Variants in CNTNAP2 observed in about 807,000 individuals in gnomAD.
CNTNAP2 encodes contactin associated protein 2.
A neutral mutation model predicts 155.2 loss-of-function variants in CNTNAP2; 98 were observed. That is an observed-to-expected ratio of 0.63 (90% CI 0.54 to 0.75). The LOEUF is 0.75. Among genes scored for constraint, CNTNAP2 ranks in the 30% least tolerant of loss-of-function variants. CNTNAP2 has a pLI of 0.00. For synonymous variants in CNTNAP2, 651 were observed against 631.2 expected (o/e 1.03, Z -0.47); for missense variants, 1,727 against 1,688.1 (o/e 1.02, Z -0.40).
intron 8 of CNTNAP2, among the ~76,000 whole-genome samples, chr7:147,198,596 T>C (rs755784958): frequency 2.6e-5 from 4 of 152,192 alleles, no homozygotes; most frequent in Non-Finnish European, 4.4e-5. Flanking sequence ...CAAATTGCAA[T>C]TTGCGGATTT....
At chr7:146,903,133 A>G (rs1219403378) in intron 3 of CNTNAP2, among the ~76,000 whole-genome samples, 1 of 152,178 alleles carries the variant, frequency 6.6e-6, no homozygotes, top group Non-Finnish European at 1.5e-5. Flanking sequence ...TAAACAGGGT[A>G]TTGTTCAGTT....
At chr7:146,935,342 T>C (rs1245165628) in intron 3 of CNTNAP2, among the ~76,000 whole-genome samples, 3 of 152,218 alleles carry the variant, frequency 2.0e-5, no homozygotes, top group Non-Finnish European at 2.9e-5. Flanking sequence ...GCCAGACTTA[T>C]ATGTAGATAA....
chr7:147,981,786 G>GGTATGTGTGTGT (rs1483366188), intron 15 of CNTNAP2, among the ~76,000 whole-genome samples: 9 of 143,732 alleles, frequency 6.3e-5, no homozygotes, highest in African/African-American at 2.3e-4. Context: ...TGTCCTTACA[G>GGTATGTGTGTGT]GTGTGTGTGT....
chr7:147,629,417 A>ATAG (rs1795044885), intron 12 of CNTNAP2, among the ~76,000 whole-genome samples: 1 of 142,256 alleles, frequency 7.0e-6, no homozygotes, highest in African/African-American at 2.5e-5. Context: ...AATAATAATA[A>ATAG]TAATAATAAT....
At chr7:148,340,496 A>G (rs1427500870) in intron 21 of CNTNAP2, among the ~76,000 whole-genome samples, 1 of 152,108 alleles carries the variant, frequency 6.6e-6, no homozygotes, top group East Asian at 1.9e-4. Context: ...TGGCTTTAAT[A>G]TTTCACCCTC....
chr7:147,207,369 A>G (rs2116563760), intron 8 of CNTNAP2, among the ~76,000 whole-genome samples: 1 of 152,282 alleles, frequency 6.6e-6, no homozygotes, highest in Non-Finnish European at 1.5e-5. Context: ...TAAATATCCT[A>G]TTCTGCAATA....
intron 1 of CNTNAP2, among the ~76,000 whole-genome samples, chr7:146,763,880 C>T (rs893422775): frequency 2.6e-5 from 4 of 152,140 alleles, no homozygotes; most frequent in Admixed American, 6.5e-5. Flanking sequence ...GGCTCTATAG[C>T]GCTCCATTTT....
intron 21 of CNTNAP2, among the ~76,000 whole-genome samples, chr7:148,326,736 G>A (rs1002300540): frequency 1.1e-4 from 16 of 152,060 alleles, no homozygotes; most frequent in Non-Finnish European, 8.8e-5. Flanking sequence ...ATGGTGGTGG[G>A]CACCTGTAGT....
At chr7:148,147,769 A>C in intron 17 of CNTNAP2, 60 bp downstream of exon 17, 2 of 1,417,738 alleles carry the variant, frequency 1.4e-6, no homozygotes, top group South Asian at 2.5e-5. Flanking sequence ...CCTGCACAAT[A>C]CAAAAAAAAA....
At chr7:146,223,696 C>T (rs560597171) in intron 1 of CNTNAP2, among the ~76,000 whole-genome samples, 8 of 152,262 alleles carry the variant, frequency 5.3e-5, no homozygotes, top group East Asian at 3.9e-4. Flanking sequence ...TCAAGCTTCC[C>T]GCTTTTCACT....
intron 8 of CNTNAP2, among the ~76,000 whole-genome samples, chr7:147,165,598 A>T (rs9792012): frequency 6.6e-6 from 1 of 151,882 alleles, no homozygotes. Flanking sequence ...ATGTTATCTT[A>T]TAGAATTTTT....
intron 1 of CNTNAP2, among the ~76,000 whole-genome samples, chr7:146,203,958 G>A (rs1176735566): frequency 7.9e-5 from 12 of 152,036 alleles, no homozygotes; most frequent in East Asian, 7.7e-4. Context: ...CCTTTAATTC[G>A]TAAATTATAT....
In CNTNAP2 at chr7:148,293,089, A is replaced by T. The variant is rs551794535; in HGVS notation, c.3475+25963A>T. On this transcript the variant is annotated intron_variant, in intron 21 of 23. Coordinates refer to ENST00000361727, the MANE Select transcript of CNTNAP2 (RefSeq NM_014141.6). Reference sequence around the variant, plus strand: ...TGACAAAAAATAAATAAAATAAAATAAAATAAATGACCAAAATCTGCTAAA... The same window carrying T: ...TGACAAAAAATAAATAAAATAAAATTAAATAAATGACCAAAATCTGCTAAA... Among the ~76,000 whole-genome samples, 195 of 150,710 alleles carry T rather than the reference A, an allele frequency of 1.3e-3. 1 individual carries two copies. Among genetic ancestry groups the T allele is most frequent in the Middle Eastern group, 3.4e-3 (1 of 290 alleles).
intron 3 of CNTNAP2, among the ~76,000 whole-genome samples, chr7:146,911,753 A>G (rs910588751): frequency 2.0e-5 from 3 of 152,002 alleles, no homozygotes; most frequent in East Asian, 3.9e-4. Flanking sequence ...ACATGTATAC[A>G]TATGTAACTA....
intron 3 of CNTNAP2, among the ~76,000 whole-genome samples, chr7:146,910,358 G>A (rs983023810): frequency 2.0e-5 from 3 of 149,866 alleles, no homozygotes; most frequent in African/African-American, 5.1e-5. Flanking sequence ...TCAATCCTAA[G>A]CCAAAAGAAC....
intron 15 of CNTNAP2, among the ~76,000 whole-genome samples, chr7:148,057,176 C>T (rs1430293583): frequency 6.6e-6 from 1 of 152,106 alleles, no homozygotes; most frequent in Non-Finnish European, 1.5e-5. Flanking sequence ...AAGAGAGTCA[C>T]AGGCGTCGTA....
intron 22 of CNTNAP2, among the ~76,000 whole-genome samples, chr7:148,405,047 G>A (rs1048861173): frequency 6.6e-6 from 1 of 152,112 alleles, no homozygotes; most frequent in Non-Finnish European, 1.5e-5. Context: ...ATTTGGGTGG[G>A]AAAACAGGGC....
chr7:146,721,639 T>TTCTATATACATTCTATATAC (rs1563203854), intron 1 of CNTNAP2, among the ~76,000 whole-genome samples: 9 of 91,052 alleles, frequency 9.9e-5, no homozygotes, highest in African/African-American at 5.7e-4. Flanking sequence ...ATTCTATATA[T>TTCTATATACATTCTATATAC]ATTCTATATA....
intron 8 of CNTNAP2, among the ~76,000 whole-genome samples, chr7:147,174,997 G>A (rs575249919): frequency 2.0e-5 from 3 of 152,172 alleles, no homozygotes; most frequent in African/African-American, 7.2e-5. Context: ...TCATAATGAG[G>A]AAACATCTCA....
Sources: gnomAD v4.1 joint callset for allele counts (sites outside exome capture counted in the v4.1 genomes callset) on GRCh38, gnomAD v4.1.1 for gene constraint, MANE v1.5 for transcripts, NCBI Gene and HGNC (gene_info 2026-07-23, HGNC 2026-07-21) for gene names.